KLF16: variants seen among roughly 807,000 people sequenced by gnomAD.
KLF16 encodes the protein KLF transcription factor 16, also known as Krueppel-like factor 16.
A neutral mutation model predicts 6.1 loss-of-function variants in KLF16; 6 were observed. The observed-to-expected ratio is 0.98, with a 90% CI of 0.54 to 1.93. The LOEUF (loss-of-function observed/expected upper bound fraction) is 1.93, where lower values mean the gene tolerates loss of function less well. KLF16 is among the 30% of genes most tolerant of loss of function. The pLI is 0.01. For missense variants in KLF16, 355 were observed against 363.8 expected, an observed-to-expected ratio of 0.98 and a Z score of 0.20; for synonymous variants, 211 against 176.5, an observed-to-expected ratio of 1.20 and a Z score of -1.55.
Position 1,855,510 on chromosome 19 carries a change from G to A in KLF16, c.458-750C>T, listed in dbSNP as rs375271491. 5.9e-5 allele frequency among the ~76,000 whole-genome samples: 9 copies of A among 152,172 alleles called. No individual in the cohort carries two copies. The East Asian group carries it at 1.2e-3, about 20-fold the overall frequency. On this transcript the variant is annotated intron_variant, in intron 1 of 1. Coordinates refer to ENST00000250916, the MANE Select transcript of KLF16 (RefSeq NM_031918.4). The stretch of plus-strand genomic sequence containing the variant: ...GGGACAGATGGCGCTGGGCAGGGGC[G>A]GGCCACCACCCGGCCACTTCCTCCA...
chr19:1,862,858 C>T (rs1343368666), intron 1 of KLF16, 183 bp downstream of exon 1: 6 of 251,718 alleles, frequency 2.4e-5, no homozygotes, highest in Non-Finnish European at 3.7e-5. Context: ...CGCCCGACCG[C>T]GTGGCCGCCA....
chr19:1,876,486 T>G, the KLF16 span, among the ~76,000 whole-genome samples: 2 of 152,184 alleles, frequency 1.3e-5, no homozygotes, highest in African/African-American at 4.8e-5. Context: ...GGGGAGACCC[T>G]CGGGGCCCAA....
intron 1 of KLF16, among the ~76,000 whole-genome samples, 157 bp from the exon 2 acceptor site, chr19:1,854,917 T>C (rs1054986490): frequency 6.6e-6 from 1 of 151,672 alleles, no homozygotes; most frequent in Non-Finnish European, 1.5e-5. Flanking sequence ...GCACAAAGAA[T>C]ACAACCCTTA....
chr19:1,869,178 G>A, the KLF16 span, among the ~76,000 whole-genome samples: 1 of 152,180 alleles, frequency 6.6e-6, no homozygotes, highest in Admixed American at 6.6e-5. Context: ...CTGTACCCAT[G>A]TTAATCTCCT....
the KLF16 span, among the ~76,000 whole-genome samples, chr19:1,874,174 T>A: frequency 6.6e-6 from 1 of 152,146 alleles, no homozygotes; most frequent in Non-Finnish European, 1.5e-5. Flanking sequence ...AATCTCAATG[T>A]TTTCAAAGAA....
the KLF16 span, among the ~76,000 whole-genome samples, chr19:1,873,022 G>A: frequency 3.3e-5 from 5 of 152,106 alleles, no homozygotes; most frequent in Non-Finnish European, 7.4e-5. Context: ...GGAAAGAGGA[G>A]GCGCCTGCTC....
upstream of KLF16, among the ~76,000 whole-genome samples, chr19:1,867,613 C>A (rs2012208264): frequency 6.6e-6 from 1 of 152,192 alleles, no homozygotes; most frequent in Admixed American, 6.5e-5. Flanking sequence ...TGCCTGTAAT[C>A]TCAGCACTTT....
At chr19:1,873,194 A>G in the KLF16 span, among the ~76,000 whole-genome samples, 1 of 152,174 alleles carries the variant, frequency 6.6e-6, no homozygotes, top group Admixed American at 6.5e-5. Flanking sequence ...TAATGGGACG[A>G]CGGATGAATG....
chr19:1,870,983 G>A, the KLF16 span, among the ~76,000 whole-genome samples: 2 of 152,212 alleles, frequency 1.3e-5, no homozygotes, highest in South Asian at 2.1e-4. Context: ...GCCACAGAGT[G>A]AGACTCTGTC....
the KLF16 span, among the ~76,000 whole-genome samples, chr19:1,872,748 G>T: frequency 6.6e-6 from 1 of 152,096 alleles, no homozygotes; most frequent in Non-Finnish European, 1.5e-5. Flanking sequence ...GGCCTGGCCG[G>T]GGTCTCGGCT....
the KLF16 span, among the ~76,000 whole-genome samples, chr19:1,870,689 A>G: frequency 6.6e-6 from 1 of 151,974 alleles, no homozygotes; most frequent in Non-Finnish European, 1.5e-5. Context: ...AAAAAGAAAG[A>G]AAAAAAGAAA....
rs2011887697 is a variant in KLF16 at position 1,853,853 on chromosome 19, C to T, written c.*606G>A. The T allele has an allele frequency of 6.5e-6, 1 of 152,680 alleles. No homozygotes were observed. Among genetic ancestry groups the T allele is most frequent in the African/African-American group, 2.4e-5 (1 of 41,460 alleles). 9.5% of individuals were successfully genotyped at this position (152,680 alleles called of 1,614,324 possible). On this transcript the variant is annotated 3_prime_UTR_variant, in exon 2 of 2. Coordinates refer to ENST00000250916, the MANE Select transcript of KLF16 (RefSeq NM_031918.4). ...CGCTGCCCCACTCCTGGCTCTACCC[C>T]CGAGGTCTGGGGGGCCAGGCAGCCC...
rs2011987267 is a variant in KLF16 at position 1,857,893 on chromosome 19, G to A, written c.458-3133C>T. 6.6e-6 allele frequency among the ~76,000 whole-genome samples: 1 copy of A among 152,130 alleles called. No homozygotes were observed. Among genetic ancestry groups the A allele is most frequent in the African/African-American group, 2.4e-5 (1 of 41,478 alleles). Reference sequence around the variant, plus strand: ...TGAGCAGGTTCTATAGAACCTATAGGCAGCTGCTTCTGGGAGCCGCTGCAG... The same window carrying A: ...TGAGCAGGTTCTATAGAACCTATAGACAGCTGCTTCTGGGAGCCGCTGCAG... On this transcript the variant is annotated intron_variant, in intron 1 of 1. Coordinates refer to ENST00000250916, the MANE Select transcript of KLF16 (RefSeq NM_031918.4). The surrounding 1 kb of genome is among the most constrained non-coding windows in gnomAD (Gnocchi z 4.7).
chr19:1,863,319 G>A lies in KLF16; in HGVS notation c.179C>T (p.Pro60Leu), dbSNP rs2012112004. The change falls in exon 1 of 2, where the codon CCG (proline) becomes CTG (leucine). Residue 60 changes from proline to leucine, a missense_variant. By Grantham distance (98) the Pro-to-Leu change is moderately conservative. Transcript: ENST00000250916. Reference sequence around the variant, plus strand: ...CGGGCCAGAAGCGGCGGGGGGCGGCGGGGGTGGCCCCGGGGTCCCGGGTGA... The same window carrying A: ...CGGGCCAGAAGCGGCGGGGGGCGGCAGGGGTGGCCCCGGGGTCCCGGGTGA... ...AASPGTPGPP[P>L]PPPAASGPGP... The A allele has an allele frequency of 1.0e-6, 1 of 981,432 alleles. No homozygotes were observed. The highest frequency in any genetic ancestry group is 1.2e-6 in the Non-Finnish European group (1 of 828,872). 60.8% of individuals were successfully genotyped at this position (981,432 alleles called of 1,614,324 possible).
At chr19:1,866,279 C>G (rs1458351695), upstream of KLF16, among the ~76,000 whole-genome samples, 1 of 147,132 alleles carries the variant, frequency 6.8e-6, no homozygotes, top group Non-Finnish European at 1.5e-5. Context: ...TGTACTTCAA[C>G]CTGGGCGACA....
chr19:1,855,031 A>ACCGC (rs1167028073), intron 1 of KLF16, among the ~76,000 whole-genome samples: 1 of 152,104 alleles, frequency 6.6e-6, no homozygotes, highest in Non-Finnish European at 1.5e-5. Flanking sequence ...TGTTAACCGT[A>ACCGC]AGTAACCGCC....
chr19:1,862,215 G>A (rs766856446), intron 1 of KLF16, among the ~76,000 whole-genome samples: 5 of 152,124 alleles, frequency 3.3e-5, no homozygotes, highest in African/African-American at 7.2e-5. Flanking sequence ...GGAACCCTAG[G>A]AGGGGACGGA....
At chr19:1,873,999 C>G in the KLF16 span, among the ~76,000 whole-genome samples, 1 of 152,250 alleles carries the variant, frequency 6.6e-6, no homozygotes, top group African/African-American at 2.4e-5. Flanking sequence ...CGTGAATATC[C>G]ACAGCCCGCA....
chr19:1,875,918 G>A, the KLF16 span: 1 of 152,364 alleles, frequency 6.6e-6, no homozygotes, highest in African/African-American at 2.4e-5. Context: ...CTGCTCTAGC[G>A]AGGTTTCCTT....
Sources: gnomAD v4.1 joint callset for allele counts (sites outside exome capture counted in the v4.1 genomes callset) on GRCh38, gnomAD v4.1.1 for gene constraint, Gnocchi (gnomAD v3.1) non-coding constraint, MANE v1.5 for transcripts, NCBI Gene and HGNC (gene_info 2026-07-23, HGNC 2026-07-21) for gene names.